The following GABRB2 variants were observed in gnomAD, a reference collection of about 807,000 sequenced individuals.
GABRB2 encodes gamma-aminobutyric acid receptor subunit beta-2.
A neutral mutation model predicts 54.7 loss-of-function variants in GABRB2; 16 were observed. That is an observed-to-expected ratio of 0.29 (90% CI 0.20 to 0.44). The LOEUF (loss-of-function observed/expected upper bound fraction) is 0.44. Among genes scored for constraint, GABRB2 ranks in the 20% least tolerant of loss-of-function variants. The probability of loss-of-function intolerance (pLI) is 1.00; values close to 1 mark genes in which losing one functional copy is unlikely to be tolerated. For missense variants in GABRB2, 355 were observed against 644.0 expected (o/e 0.55, Z 4.86); for synonymous variants, 244 against 233.8 (o/e 1.04, Z -0.40).
rs115454965 is a variant in GABRB2, at chr5:161,533,155, G to A, written c.237+12072C>T. Among the ~76,000 whole-genome samples, 393 of 152,268 alleles carry A rather than the reference G, an allele frequency of 2.6e-3. 1 individual carries two copies. The highest frequency in any genetic ancestry group is 4.8e-3 in the Admixed American group (74 of 15,290). Reference sequence around the variant, plus strand: ...GCAAGAAAATGAAACTTGGCAATAGGAATGCCGATAGAATGTGAACAAAGA... The same window carrying A: ...GCAAGAAAATGAAACTTGGCAATAGAAATGCCGATAGAATGTGAACAAAGA... On this transcript the variant is annotated intron_variant, in intron 3 of 9. Transcript: ENST00000393959.
intron 9 of GABRB2, among the ~76,000 whole-genome samples, chr5:161,313,989 A>G (rs1270126909): frequency 6.6e-6 from 1 of 152,238 alleles, no homozygotes; most frequent in African/African-American, 2.4e-5. Context: ...CTTTGTGAGA[A>G]AAGTTTCGTG....
intron 3 of GABRB2, 55 bp from the exon 4 acceptor site, chr5:161,459,899 G>C (rs1171848372): frequency 2.0e-6 from 2 of 1,006,068 alleles, no homozygotes; most frequent in African/African-American, 1.6e-5. Flanking sequence ...AGATCTGGGG[G>C]ATAAGCAAAC....
At chr5:161,389,090 T>C (rs571276441) in intron 5 of GABRB2, among the ~76,000 whole-genome samples, 3 of 152,164 alleles carry the variant, frequency 2.0e-5, no homozygotes, top group African/African-American at 7.2e-5. Context: ...TTGAAAATAT[T>C]GATTACTTAC....
intron 3 of GABRB2, among the ~76,000 whole-genome samples, chr5:161,483,364 C>T (rs181996969): frequency 1.0e-3 from 157 of 151,970 alleles, no homozygotes; most frequent in African/African-American, 3.4e-3. Flanking sequence ...GAGAACAACA[C>T]GTGATTGCCT....
At chr5:161,545,166 T>G in intron 3 of GABRB2, 61 bp downstream of exon 3, 2 of 1,347,600 alleles carry the variant, frequency 1.5e-6, no homozygotes, top group South Asian at 1.3e-5. Context: ...GCTGGCTCAT[T>G]TCTCCTTCCT....
chr5:161,317,366 G>T (rs777296237), intron 9 of GABRB2, among the ~76,000 whole-genome samples: 25 of 152,096 alleles, frequency 1.6e-4, no homozygotes, highest in Non-Finnish European at 2.5e-4. Flanking sequence ...AAAAGCAGAA[G>T]TGCCCCTACC....
intron 9 of GABRB2, among the ~76,000 whole-genome samples, chr5:161,317,227 A>G (rs1324089699): frequency 6.6e-6 from 1 of 152,196 alleles, no homozygotes; most frequent in Admixed American, 6.5e-5. Flanking sequence ...TATTTGGGTG[A>G]TGGATAACCC....
rs540285018 is a variant in GABRB2 at position 161,401,209 on chromosome 5, A to G, written c.541+9766T>C. Among the ~76,000 whole-genome samples the G allele has an allele frequency of 1.3e-4, 20 of 152,344 alleles. No homozygotes were observed. In the East Asian group the frequency reaches 3.7e-3, roughly 28 times the overall value. On this transcript the variant is annotated intron_variant, in intron 5 of 9. Transcript: ENST00000393959. ...AACAGTGTCTTGAGGGAATGAACCC[A>G]GAAGGTGGGTTTTCACTTGTGAGAG...
chr5:161,424,661 A>C (rs1246079840), intron 4 of GABRB2, among the ~76,000 whole-genome samples: 1 of 152,096 alleles, frequency 6.6e-6, no homozygotes, highest in Admixed American at 6.6e-5. Flanking sequence ...TATACAAGGA[A>C]ATTAATATTT....
At chr5:161,338,946 T>C (rs1754075169) in intron 5 of GABRB2, among the ~76,000 whole-genome samples, 1 of 152,114 alleles carries the variant, frequency 6.6e-6, no homozygotes, top group Non-Finnish European at 1.5e-5. Flanking sequence ...GAGATGCCTA[T>C]CCCATAGGAT....
At chr5:161,494,614 C>T (rs939842943) in intron 3 of GABRB2, among the ~76,000 whole-genome samples, 3 of 149,224 alleles carry the variant, frequency 2.0e-5, no homozygotes, top group Non-Finnish European at 4.5e-5. Flanking sequence ...CAGAATCTTC[C>T]AAAGTATAAA....
chr5:161,525,040 C>A (rs1450892782), intron 3 of GABRB2, among the ~76,000 whole-genome samples: 1 of 151,254 alleles, frequency 6.6e-6, no homozygotes, highest in Non-Finnish European at 1.5e-5. Context: ...AGAATCAGAA[C>A]AAAAATTTCT....
chr5:161,521,802 A>G (rs1760124325), intron 3 of GABRB2, among the ~76,000 whole-genome samples: 1 of 151,918 alleles, frequency 6.6e-6, no homozygotes, highest in South Asian at 2.1e-4. Context: ...TACCTGAACA[A>G]GTTTGTAATG....
At position 161,292,568 on chromosome 5, in the gene GABRB2, C is replaced by T. The variant is rs1479515155; in HGVS notation, c.*1513G>A. On this transcript the variant is annotated 3_prime_UTR_variant, in exon 10 of 10. Transcript: ENST00000393959. ...TAGAAAAAAAATACATCATGCCTGCCTGATTAACAGTTATATATTTTTCTG... is the reference window on the plus strand; with the variant it reads ...TAGAAAAAAAATACATCATGCCTGCTTGATTAACAGTTATATATTTTTCTG... 1 of 152,108 alleles carries T rather than the reference C, an allele frequency of 6.6e-6. No individual in the cohort carries two copies. The highest frequency in any genetic ancestry group is 1.5e-5 in the Non-Finnish European group (1 of 68,008). The allele number at this position is 152,108 out of a possible 1,614,324, so 9.4% of individuals were successfully genotyped here.
chr5:161,503,049 C>T (rs1759496747), intron 3 of GABRB2, among the ~76,000 whole-genome samples: 1 of 151,272 alleles, frequency 6.6e-6, no homozygotes, highest in Admixed American at 6.6e-5. Flanking sequence ...AACTCCTAGA[C>T]TAGAAGCAGC....
intron 5 of GABRB2, among the ~76,000 whole-genome samples, chr5:161,383,370 T>C (rs1011320886): frequency 6.6e-6 from 1 of 152,026 alleles, no homozygotes; most frequent in African/African-American, 2.4e-5. Flanking sequence ...TTGTCTTTCT[T>C]TTTTTTTCAA....
upstream of GABRB2, chr5:161,547,767 C>A (rs1033200223): frequency 3.3e-5 from 5 of 152,212 alleles, no homozygotes; most frequent in Admixed American, 6.5e-5. Context: ...CCGCACAGAG[C>A]AGGAAGGGCA....
intron 5 of GABRB2, among the ~76,000 whole-genome samples, chr5:161,370,691 A>C (rs1419624535): frequency 6.6e-6 from 1 of 152,180 alleles, no homozygotes; most frequent in East Asian, 1.9e-4. Context: ...TAAACTTAAC[A>C]ATTTAATAGT....
At chr5:161,486,602 A>G (rs1043798821) in intron 3 of GABRB2, among the ~76,000 whole-genome samples, 4 of 151,868 alleles carry the variant, frequency 2.6e-5, no homozygotes, top group Non-Finnish European at 5.9e-5. Flanking sequence ...CATCGATTTG[A>G]AGTGCATCAG....
Sources: gnomAD v4.1 joint callset for allele counts (sites outside exome capture counted in the v4.1 genomes callset) on GRCh38, gnomAD v4.1.1 for gene constraint, MANE v1.5 for transcripts, NCBI Gene and HGNC (gene_info 2026-07-23, HGNC 2026-07-21) for gene names.